The following SREBF1 variants were observed in gnomAD, a reference collection of about 807,000 sequenced individuals.
The protein encoded by SREBF1 is sterol regulatory element-binding protein 1.
A neutral mutation model predicts 100.1 loss-of-function variants in SREBF1; 45 were observed. That is an observed-to-expected ratio of 0.45 (90% CI 0.35 to 0.58). The LOEUF is 0.58. Ranked by LOEUF, SREBF1 falls within the 20% of genes least tolerant of loss-of-function variation. SREBF1 has a pLI of 0.00. For synonymous variants in SREBF1, 657 were observed against 681.8 expected (o/e 0.96, Z 0.57); for missense variants, 1,324 against 1,539.4 (o/e 0.86, Z 2.34).
intron 18 of SREBF1, 75 bp downstream of exon 18, chr17:17,813,293 C>T: frequency 7.0e-7 from 1 of 1,420,644 alleles, no homozygotes; most frequent in Non-Finnish European, 9.6e-7. Context: ...CACAGCCTCC[C>T]TTGGTATCAC....
rs1360849661 is a variant in SREBF1, at chr17:17,824,984, A to G, written c.92-4463T>C. On this transcript the variant is annotated intron_variant, in intron 1 of 18. Transcript: ENST00000261646. The surrounding 1 kb of genome is among the most constrained non-coding windows in gnomAD (Gnocchi z 4.2). Reference sequence around the variant, plus strand: ...AGCCCGCGGGTGTTCCCTCACCCCCAAAACAAAACACAGCATTGCTCTTGG... The same window carrying G: ...AGCCCGCGGGTGTTCCCTCACCCCCGAAACAAAACACAGCATTGCTCTTGG... Among the ~76,000 whole-genome samples the G allele has an allele frequency of 6.6e-6, 1 of 152,144 alleles. No individual in the cohort carries two copies. The highest frequency in any genetic ancestry group is 1.5e-5 in the Non-Finnish European group (1 of 68,012).
In SREBF1 at chr17:17,813,459, C is replaced by G. The variant is rs753564046; in HGVS notation, c.3123G>C (p.Thr1041=). 1.9e-6 allele frequency: 3 copies of G among 1,603,754 alleles called. No individual in the cohort carries two copies. The highest frequency in any genetic ancestry group is 2.6e-6 in the Non-Finnish European group (3 of 1,175,756). ...AMRRVFLHEA[T]ARLMAGASPT... Reference sequence around the variant, plus strand: ...GGCTGGCCCCCGCCATCAGCCGGGCCGTGGCCTCATGTAGGAACACCTGGG... The same window carrying G: ...GGCTGGCCCCCGCCATCAGCCGGGCGGTGGCCTCATGTAGGAACACCTGGG... Residue 1041 remains threonine (T), a synonymous_variant, in exon 18 of 19, where the codon ACG becomes ACC. Coordinates refer to ENST00000261646, the MANE Select transcript of SREBF1 (RefSeq NM_004176.5).
At chr17:17,833,317 G>A (rs972037439) in intron 1 of SREBF1, among the ~76,000 whole-genome samples, 3 of 148,552 alleles carry the variant, frequency 2.0e-5, no homozygotes, top group South Asian at 2.2e-4. Context: ...CCAGCTACTC[G>A]GGAGGCTGAG....
rs1057218610 is a variant in SREBF1, at chr17:17,820,640, T to C, written c.92-119A>G. 1.7e-5 allele frequency: 20 copies of C among 1,157,418 alleles called. 1 individual carries two copies. The highest frequency in any genetic ancestry group is 4.0e-4 in the Middle Eastern group (2 of 4,956). The allele number at this position is 1,157,418 out of a possible 1,614,324, so 71.7% of individuals were successfully genotyped here. A position where few individuals can be genotyped will look rare whatever the true frequency, so the allele number is the denominator to read the frequency against. ...CCTTGTTGGCACACAGCTGTATGTGTGGGCAATGCCACCAGGACAGAAAGC... is the reference window on the plus strand; with the variant it reads ...CCTTGTTGGCACACAGCTGTATGTGCGGGCAATGCCACCAGGACAGAAAGC... On this transcript the variant is annotated intron_variant, in intron 1 of 18. Coordinates refer to ENST00000261646, the MANE Select transcript of SREBF1 (RefSeq NM_004176.5).
At chr17:17,818,984 G>T in intron 5 of SREBF1, 29 bp downstream of exon 5, 1 of 1,605,892 alleles carries the variant, frequency 6.2e-7, no homozygotes, top group South Asian at 1.1e-5. Context: ...GGGACACCCC[G>T]GTCTGTGCCC....
intron 1 of SREBF1, among the ~76,000 whole-genome samples, chr17:17,821,152 TACAC>T (rs60948138): frequency 6.7e-6 from 1 of 149,486 alleles, no homozygotes; most frequent in East Asian, 2.0e-4. Flanking sequence ...TCCACACACA[TACAC>T]ACACACACAC....
chr17:17,832,735 A>G (rs1485491734), intron 1 of SREBF1, among the ~76,000 whole-genome samples: 1 of 151,976 alleles, frequency 6.6e-6, no homozygotes, highest in Non-Finnish European at 1.5e-5. Flanking sequence ...CCTGGCTAAC[A>G]CGGTGAAACC....
intron 1 of SREBF1, among the ~76,000 whole-genome samples, chr17:17,834,062 C>T (rs913319122): frequency 6.7e-6 from 1 of 149,936 alleles, no homozygotes; most frequent in Non-Finnish European, 1.5e-5. Flanking sequence ...AAAGCTCTTT[C>T]ACATAATTAG....
At position 17,815,231 on chromosome 17, in the gene SREBF1, C is replaced by A; in HGVS notation, c.2482G>T (p.Asp828Tyr). ...CACAACGACACTTACTTGTCCCCAT[C>A]AGCTGACCCAGGGCTGGGGTTGGGC... The part of the protein sequence containing the change: ...TQPNPSPGSA[D>Y]GDKEFSDALG... Residue 828 changes from aspartate to tyrosine, a missense_variant, in exon 13 of 19, where the codon GAT becomes TAT. Coordinates refer to ENST00000261646, the MANE Select transcript of SREBF1 (RefSeq NM_004176.5). 1 of 1,613,554 alleles carries A rather than the reference C, an allele frequency of 6.2e-7. No homozygotes were observed. Among genetic ancestry groups the A allele is most frequent in the Admixed American group, 1.7e-5 (1 of 60,032 alleles).
Position 17,817,053 on chromosome 17 carries a change from G to A in SREBF1, c.1690C>T (p.Leu564Phe). The A allele has an allele frequency of 1.2e-6, 2 of 1,613,192 alleles. No individual in the cohort carries two copies. Among genetic ancestry groups the A allele is most frequent in the Non-Finnish European group, 1.7e-6 (2 of 1,180,034 alleles). Residue 564 changes from leucine to phenylalanine, a missense_variant, in exon 9 of 19, where the codon CTC (leucine) becomes TTC (phenylalanine). Transcript: ENST00000261646. The surrounding 1 kb of genome is among the most constrained non-coding windows in gnomAD (Gnocchi z 6.6). Reference protein sequence around the residue: ...GLLVLVSLVLLFVYGEPVTRP... With the variant: ...GLLVLVSLVLFFVYGEPVTRP... ...GTGACTGGCTCACCGTAGACAAAGA[G>A]AAGCACCAAGGAGACGAGCACCAAC...
In SREBF1 at chr17:17,815,300, A is replaced by G; in HGVS notation, c.2413T>C (p.Phe805Leu). The G allele has an allele frequency of 6.2e-7, 1 of 1,613,554 alleles. No individual in the cohort carries two copies. The highest frequency in any genetic ancestry group is 1.1e-5 in the South Asian group (1 of 91,090). Reference protein sequence around the residue: ...VDPLAQVTQLFREHLLERALN... With the variant: ...VDPLAQVTQLLREHLLERALN... The stretch of plus-strand genomic sequence containing the variant: ...GCTCGCTCTAAGAGATGTTCCCGGA[A>G]TAGCTGAGTCACCTGGGCCAGGGGG... The change falls in exon 13 of 19, where the codon TTC becomes CTC. Residue 805 changes from phenylalanine to leucine, a missense_variant. Coordinates refer to ENST00000261646, the MANE Select transcript of SREBF1 (RefSeq NM_004176.5).
chr17:17,815,038 C>T lies in SREBF1; in HGVS notation c.2493-94G>A, dbSNP rs2033404486. ...CTCCAGAGTACAGCCTGGCCCCTGG[C>T]TCTGCAAAGTGCCACTGTCTCCTCC... On this transcript the variant is annotated intron_variant, in intron 13 of 18. Transcript: ENST00000261646. The T allele has an allele frequency of 5.3e-6, 7 of 1,331,662 alleles. No individual in the cohort carries two copies. In the South Asian group the frequency reaches 6.3e-5, roughly 12 times the overall value. 82.5% of individuals were successfully genotyped at this position (1,331,662 alleles called of 1,614,324 possible).
At chr17:17,835,114 A>G (rs2035149635) in intron 1 of SREBF1, among the ~76,000 whole-genome samples, 1 of 152,098 alleles carries the variant, frequency 6.6e-6, no homozygotes, top group African/African-American at 2.4e-5. Context: ...AGAGGGTGAG[A>G]GGGCTTGAGC....
Position 17,812,582 on chromosome 17 carries a change from G to A in SREBF1, c.*40C>T. 1 of 1,557,258 alleles carries A rather than the reference G, an allele frequency of 6.4e-7. No homozygotes were observed. The highest frequency in any genetic ancestry group is 8.7e-7 in the Non-Finnish European group (1 of 1,146,918). ...AGGACAGAAGCTGCACGGGACCAAAGTGGCTAGAGACAGGGGTGCTGAGGC... is the reference window on the plus strand; with the variant it reads ...AGGACAGAAGCTGCACGGGACCAAAATGGCTAGAGACAGGGGTGCTGAGGC... On this transcript the variant is annotated 3_prime_UTR_variant, in exon 19 of 19. Transcript: ENST00000261646.
rs368232810 is a variant in SREBF1, at chr17:17,812,709, G to A, written c.3357C>T (p.Leu1119=). The A allele has an allele frequency of 9.4e-6, 15 of 1,598,880 alleles. No individual in the cohort carries two copies. In the South Asian group the frequency reaches 1.7e-4, roughly 18 times the overall value. ...GCAGCCGGCGATCGCCAAGCTTCTC[G>A]AGTGTGCGCGCCGCCTCAGCCAGCA... The part of the protein sequence containing the change: ...VGMLAEAART[L]EKLGDRRLLH... Residue 1119 remains leucine, a synonymous_variant, in exon 19 of 19, where the codon CTC becomes CTT. Transcript: ENST00000261646.
chr17:17,832,855 A>G (rs546623823), intron 1 of SREBF1, among the ~76,000 whole-genome samples: 119 of 151,798 alleles, frequency 7.8e-4, no homozygotes, highest in African/African-American at 2.6e-3. Flanking sequence ...CGGGAGGCGG[A>G]GTTTGCAGTG....
chr17:17,830,942 C>T (rs1052249659), intron 1 of SREBF1, among the ~76,000 whole-genome samples: 4 of 152,248 alleles, frequency 2.6e-5, no homozygotes, highest in African/African-American at 9.6e-5. Flanking sequence ...CTTCCTCTGG[C>T]CGGCCTGGGC....
chr17:17,811,836 C>A lies in SREBF1; in HGVS notation c.*786G>T, dbSNP rs2032886048. 3 of 447,662 alleles carry A rather than the reference C, an allele frequency of 6.7e-6. No homozygotes were observed. The highest frequency in any genetic ancestry group is 1.3e-5 in the Non-Finnish European group (3 of 222,712). The allele number at this position is 447,662 out of a possible 1,614,324, so 27.7% of individuals were successfully genotyped here. A position where few individuals can be genotyped will look rare whatever the true frequency, so the allele number is the denominator to read the frequency against. ...GAAGGGACAACTGACCCCATGGAGG[C>A]CCTAAGGGTTGACACAGCCCAACCA... On this transcript the variant is annotated 3_prime_UTR_variant, in exon 19 of 19. Coordinates refer to ENST00000261646, the MANE Select transcript of SREBF1 (RefSeq NM_004176.5).
chr17:17,811,564 G>C lies in SREBF1; in HGVS notation c.*1058C>G, dbSNP rs918097858. The C allele has an allele frequency of 8.7e-6, 3 of 345,908 alleles. No homozygotes were observed. Among genetic ancestry groups the C allele is most frequent in the Non-Finnish European group, 1.7e-5 (3 of 181,318 alleles). The allele number at this position is 345,908 out of a possible 1,614,324, so 21.4% of individuals were successfully genotyped here. ...GGGGGGGGGCATGAATGGAGTCAGG[G>C]AGTCGGCCTTTCACAGAACAGGAAA... On this transcript the variant is annotated 3_prime_UTR_variant, in exon 19 of 19. Transcript: ENST00000261646.
Sources: gnomAD v4.1 joint callset for allele counts (sites outside exome capture counted in the v4.1 genomes callset) on GRCh38, gnomAD v4.1.1 for gene constraint, Gnocchi (gnomAD v3.1) non-coding constraint, MANE v1.5 for transcripts, NCBI Gene and HGNC (gene_info 2026-07-23, HGNC 2026-07-21) for gene names.